ERI3: variants seen among roughly 807,000 people sequenced by gnomAD.
ERI3 encodes ERI1 exoribonuclease 3.
A neutral mutation model predicts 44.4 loss-of-function variants in ERI3; 18 were observed. The ratio of observed to expected loss-of-function variants is 0.41; its 90% confidence interval spans 0.28 to 0.60. The LOEUF (loss-of-function observed/expected upper bound fraction) is 0.60. Among genes scored for constraint, ERI3 ranks in the 20% least tolerant of loss-of-function variants. The probability of loss-of-function intolerance (pLI) is 0.36; values close to 1 mark genes in which losing one functional copy is unlikely to be tolerated. For synonymous variants in ERI3, 183 were observed against 164.8 expected (o/e 1.11, Z -0.84); for missense variants, 294 against 435.5 (o/e 0.68, Z 2.89).
intron 2 of ERI3, among the ~76,000 whole-genome samples, chr1:44,347,877 T>G (rs1312703524): frequency 7.1e-6 from 1 of 141,348 alleles, no homozygotes; most frequent in Non-Finnish European, 1.6e-5. Flanking sequence ...GAGATTGTTT[T>G]GTTGTGTGTG....
At chr1:44,227,557 T>C (rs543039026) in intron 8 of ERI3, among the ~76,000 whole-genome samples, 39 of 148,982 alleles carry the variant, frequency 2.6e-4, no homozygotes, top group Non-Finnish European at 4.4e-4. Context: ...ACTTATACTA[T>C]ATTTTTTATA....
chr1:44,227,093 C>A (rs567972717), intron 8 of ERI3, among the ~76,000 whole-genome samples: 63 of 152,222 alleles, frequency 4.1e-4, no homozygotes, highest in African/African-American at 1.4e-3. Context: ...ACTGGGGGAA[C>A]AGGAGGGACA....
At chr1:44,249,022 C>T (rs1470852964) in intron 7 of ERI3, among the ~76,000 whole-genome samples, 2 of 152,096 alleles carry the variant, frequency 1.3e-5, no homozygotes, top group South Asian at 2.1e-4. Context: ...GAAACTGAGG[C>T]CCAGAAAGAA....
intron 8 of ERI3, among the ~76,000 whole-genome samples, chr1:44,226,942 T>C (rs1644059264): frequency 6.6e-6 from 1 of 152,174 alleles, no homozygotes; most frequent in Non-Finnish European, 1.5e-5. Flanking sequence ...TAATAGCCAA[T>C]TGTCCTACCA....
chr1:44,230,884 CCTTT>C, intron 8 of ERI3, among the ~76,000 whole-genome samples: 1 of 152,298 alleles, frequency 6.6e-6, no homozygotes, highest in African/African-American at 2.4e-5. Flanking sequence ...TACTACTCTT[CCTTT>C]GAAATATTAA....
intron 2 of ERI3, among the ~76,000 whole-genome samples, chr1:44,347,097 C>T (rs772067465): frequency 1.3e-5 from 2 of 152,136 alleles, no homozygotes; most frequent in Non-Finnish European, 2.9e-5. Context: ...CTGTTCTCTA[C>T]CACGTGTGAT....
chr1:44,310,927 C>A (rs1253435658), intron 5 of ERI3, among the ~76,000 whole-genome samples: 1 of 150,192 alleles, frequency 6.7e-6, no homozygotes, highest in East Asian at 2.0e-4. Flanking sequence ...TCCTCTGACC[C>A]AACTCCTTGC....
intron 7 of ERI3, among the ~76,000 whole-genome samples, chr1:44,269,770 G>C (rs1645055413): frequency 6.6e-6 from 1 of 152,196 alleles, no homozygotes; most frequent in Non-Finnish European, 1.5e-5. Context: ...AGTGACAAGA[G>C]GGAAGCTATG....
At chr1:44,229,254 C>A (rs946526975) in intron 8 of ERI3, among the ~76,000 whole-genome samples, 3 of 152,146 alleles carry the variant, frequency 2.0e-5, no homozygotes, top group African/African-American at 7.2e-5. Context: ...GCTCCAGGCC[C>A]CATTTATCCC....
chr1:44,240,479 C>T (rs989498134), intron 8 of ERI3, among the ~76,000 whole-genome samples: 4 of 152,118 alleles, frequency 2.6e-5, no homozygotes, highest in East Asian at 1.9e-4. Flanking sequence ...AAGCAGTACT[C>T]GTGGTGGTGA....
intron 2 of ERI3, among the ~76,000 whole-genome samples, chr1:44,342,842 TATATATATATATATA>T (rs1186516490): frequency 1.3e-4 from 4 of 31,826 alleles, no homozygotes; most frequent in African/African-American, 4.4e-4. Context: ...TATATATATA[TATATATATATATATA>T]TTTTTTTTTT....
At chr1:44,346,750 T>TA (rs1039914564) in intron 2 of ERI3, among the ~76,000 whole-genome samples, 3 of 152,158 alleles carry the variant, frequency 2.0e-5, no homozygotes, top group Admixed American at 6.6e-5. Context: ...ACACTGGTAA[T>TA]AGACAAACCT....
At chr1:44,279,322 T>A (rs1645240906) in intron 7 of ERI3, among the ~76,000 whole-genome samples, 1 of 152,172 alleles carries the variant, frequency 6.6e-6, no homozygotes, top group Non-Finnish European at 1.5e-5. Flanking sequence ...ACTCCTGGGC[T>A]CAAGGGATCT....
chr1:44,264,291 C>T (rs1033876457), intron 7 of ERI3, among the ~76,000 whole-genome samples: 1 of 152,154 alleles, frequency 6.6e-6, no homozygotes, highest in Non-Finnish European at 1.5e-5. Context: ...AAGAAACATC[C>T]TGCTTAGCCC....
At chr1:44,238,367 C>A (rs1020242265) in intron 8 of ERI3, among the ~76,000 whole-genome samples, 1 of 152,082 alleles carries the variant, frequency 6.6e-6, no homozygotes, top group Non-Finnish European at 1.5e-5. Flanking sequence ...CAGTGATAAT[C>A]CCTGCGGAGA....
At chr1:44,339,814 CT>C (rs1232167849) in intron 2 of ERI3, among the ~76,000 whole-genome samples, 3 of 152,210 alleles carry the variant, frequency 2.0e-5, no homozygotes, top group Non-Finnish European at 4.4e-5. Context: ...CCATTTGCCC[CT>C]GGCTTTCCAG....
intron 8 of ERI3, among the ~76,000 whole-genome samples, chr1:44,226,088 G>A (rs1480678402): frequency 6.6e-6 from 1 of 152,098 alleles, no homozygotes; most frequent in Non-Finnish European, 1.5e-5. Flanking sequence ...CTTAGGGGAT[G>A]GGGGAGGGAG....
At chr1:44,269,777 T>A (rs1056893791) in intron 7 of ERI3, among the ~76,000 whole-genome samples, 2 of 152,134 alleles carry the variant, frequency 1.3e-5, no homozygotes, top group African/African-American at 4.8e-5. Flanking sequence ...AGAGGGAAGC[T>A]ATGGAAGGAG....
At chr1:44,268,174 C>T (rs896042010) in intron 7 of ERI3, among the ~76,000 whole-genome samples, 7 of 152,166 alleles carry the variant, frequency 4.6e-5, no homozygotes, top group Admixed American at 3.9e-4. Flanking sequence ...CCCCCATCTG[C>T]CTATTGACCC....
Sources: allele counts gnomAD v4.1 joint callset (sites outside exome capture counted in the v4.1 genomes callset), GRCh38; gene constraint gnomAD v4.1.1; transcripts MANE v1.5; gene names NCBI Gene and HGNC (gene_info 2026-07-23, HGNC 2026-07-21).